The following SECISBP2 variants were observed in gnomAD, a reference collection of about 807,000 sequenced individuals.
SECISBP2 encodes SECIS binding protein 2.
SECISBP2 carries 96 observed loss-of-function variants against 98.2 expected under a neutral mutation model. The observed-to-expected ratio is 0.98, with a 90% confidence interval of 0.83 to 1.16. SECISBP2 has a LOEUF of 1.16. Ranked by LOEUF, SECISBP2 falls within the 50% of genes most tolerant of loss-of-function variation. SECISBP2 has a pLI of 0.00. For missense variants in SECISBP2, 1,046 were observed against 1,022.9 expected, an observed-to-expected ratio of 1.02 and a Z score of -0.31; for synonymous variants, 407 against 370.2, an observed-to-expected ratio of 1.10 and a Z score of -1.14.
At chr9:89,363,519 G>C (rs565553083), downstream of SECISBP2, 3 of 1,614,056 alleles carry the variant, frequency 1.9e-6, no homozygotes, top group African/African-American at 2.7e-5. Flanking sequence ...CTCTCCTGGT[G>C]GGTCACTTCT....
At position 89,346,897 on chromosome 9, in the gene SECISBP2, T is replaced by C; in HGVS notation, c.1451T>C (p.Val484Ala). ...TGCGTTTCAGTTGGAGCAGTGCCAGTCCTTTCCAAAGAATGTGCATCAGGG... is the reference window on the plus strand; with the variant it reads ...TGCGTTTCAGTTGGAGCAGTGCCAGCCCTTTCCAAAGAATGTGCATCAGGG... ...PVVVSVGAVP[V>A]LSKECASGER... Residue 484 changes from valine (V) to alanine (A), a missense_variant, in exon 11 of 17, where the codon GTC becomes GCC. Coordinates refer to ENST00000375807, the MANE Select transcript of SECISBP2 (RefSeq NM_024077.5). The C allele has an allele frequency of 6.2e-7, 1 of 1,614,072 alleles. No individual in the cohort carries two copies. The highest frequency in any genetic ancestry group is 8.5e-7 in the Non-Finnish European group (1 of 1,180,002).
intron 5 of SECISBP2, among the ~76,000 whole-genome samples, chr9:89,331,926 AGAAG>A (rs1455136830): frequency 6.6e-6 from 1 of 152,248 alleles, no homozygotes; most frequent in African/African-American, 2.4e-5. Flanking sequence ...GCAAAGAAGT[AGAAG>A]GATACTAATG....
chr9:89,348,031 T>G, intron 11 of SECISBP2, 48 bp from the exon 12 acceptor site: 1 of 1,544,090 alleles, frequency 6.5e-7, no homozygotes, highest in Admixed American at 1.8e-5. Context: ...GAGCTTATCT[T>G]TTAAGTACAA....
rs912338440 is a variant in SECISBP2 at position 89,358,996 on chromosome 9, G to T, written c.*172G>T. ...GTGTCTGCAGGCGTTCAGTGCTGCGGAGCCTGTTAAAGGTCACTCAGATGT... is the reference window on the plus strand; with the variant it reads ...GTGTCTGCAGGCGTTCAGTGCTGCGTAGCCTGTTAAAGGTCACTCAGATGT... On this transcript the variant is annotated 3_prime_UTR_variant, in exon 17 of 17. Transcript: ENST00000375807. The T allele has an allele frequency of 4.6e-5, 29 of 632,654 alleles. No individual in the cohort carries two copies. Among genetic ancestry groups the T allele is most frequent in the Middle Eastern group, 8.0e-4 (2 of 2,498 alleles). The allele number at this position is 632,654 out of a possible 1,614,324, so 39.2% of individuals were successfully genotyped here.
intron 8 of SECISBP2, among the ~76,000 whole-genome samples, chr9:89,339,426 G>A (rs141522151): frequency 6.9e-4 from 105 of 152,264 alleles, no homozygotes; most frequent in African/African-American, 2.4e-3. Flanking sequence ...AATGACATAG[G>A]CATTTTTAAG....
rs185946718 is a variant in SECISBP2, at chr9:89,347,456, C to T, written c.1602+408C>T. ...CCAGAAGGACAGTCACAGGCTCCTC[C>T]GGTGAATTCTTTTTTTTTTTTTTTT... On this transcript the variant is annotated intron_variant, in intron 11 of 16. Transcript: ENST00000375807. Among the ~76,000 whole-genome samples, 68 of 148,216 alleles carry T rather than the reference C, an allele frequency of 4.6e-4. 1 individual carries two copies. Among genetic ancestry groups the T allele is most frequent in the African/African-American group, 1.3e-3 (53 of 40,446 alleles).
In SECISBP2 at chr9:89,338,316, A is replaced by C; in HGVS notation, c.1090-142A>C. On this transcript the variant is annotated intron_variant, in intron 7 of 16. Transcript: ENST00000375807. Reference sequence around the variant, plus strand: ...TCTAGTGAATGCTGGCTTTTTAAAAAACAGGGGATGAGGAACCTAATTCTG... The same window carrying C: ...TCTAGTGAATGCTGGCTTTTTAAAACACAGGGGATGAGGAACCTAATTCTG... The C allele has an allele frequency of 5.1e-6, 5 of 989,116 alleles. No individual in the cohort carries two copies. In the South Asian group the frequency reaches 7.7e-5, roughly 15 times the overall value. 61.3% of individuals were successfully genotyped at this position (989,116 alleles called of 1,614,324 possible). A position where few individuals can be genotyped will look rare whatever the true frequency, so the allele number is the denominator to read the frequency against.
rs780131918 is a variant in SECISBP2, at chr9:89,339,894, G to T, written c.1243G>T (p.Ala415Ser). 1.1e-5 allele frequency: 17 copies of T among 1,613,800 alleles called. No homozygotes were observed. Among genetic ancestry groups the T allele is most frequent in the Non-Finnish European group, 1.4e-5 (16 of 1,179,770 alleles). Reference sequence around the variant, plus strand: ...CGAGGAATTTCCCAACCTGGCAGTTGCATCTGAAAGAAGAGACAGAATAGA... The same window carrying T: ...CGAGGAATTTCCCAACCTGGCAGTTTCATCTGAAAGAAGAGACAGAATAGA... The part of the protein sequence containing the change: ...DAEEFPNLAV[A>S]SERRDRIETP... Residue 415 changes from alanine (A) to serine (S), a missense_variant, in exon 9 of 17, where the codon GCA becomes TCA. Coordinates refer to ENST00000375807, the MANE Select transcript of SECISBP2 (RefSeq NM_024077.5).
chr9:89,365,935 G>A, the SECISBP2 span, among the ~76,000 whole-genome samples: 4 of 152,154 alleles, frequency 2.6e-5, no homozygotes, highest in Non-Finnish European at 5.9e-5. Flanking sequence ...CCGGTCTCTT[G>A]GTCAACAATT....
chr9:89,362,398 GT>G (rs1832827442), downstream of SECISBP2: 1 of 1,613,954 alleles, frequency 6.2e-7, no homozygotes, highest in Non-Finnish European at 8.5e-7. Flanking sequence ...CTCCTTCCTG[GT>G]GGCTACAGGG....
At position 89,334,659 on chromosome 9, in the gene SECISBP2, C is replaced by G. The variant is rs147717261; in HGVS notation, c.1018C>G (p.Pro340Ala). The change falls in exon 7 of 17, where the codon CCA becomes GCA. Residue 340 changes from proline to alanine, a missense_variant. Transcript: ENST00000375807. The stretch of plus-strand genomic sequence containing the variant: ...AGCAGATCCTAAAAATGTTAGTATA[C>G]CATCTTCTGAAGCTTTATCTTCGGA... ...SSADPKNVSI[P>A]SSEALSSDPS... is the part of the protein sequence containing the mutation. 7 of 1,613,868 alleles carry G rather than the reference C, an allele frequency of 4.3e-6. No homozygotes were observed. The highest frequency in any genetic ancestry group is 5.9e-6 in the Non-Finnish European group (7 of 1,179,868).
chr9:89,330,952 A>G (rs1410966958), intron 5 of SECISBP2, among the ~76,000 whole-genome samples: 1 of 152,230 alleles, frequency 6.6e-6, no homozygotes, highest in Admixed American at 6.5e-5. Context: ...TAGAAGATAT[A>G]CATACTGATT....
At chr9:89,362,376 C>T (rs374753568), downstream of SECISBP2, 54 of 1,614,014 alleles carry the variant, frequency 3.3e-5, no homozygotes, top group South Asian at 1.1e-4. Context: ...GGGTTGAGGT[C>T]GGTGTCAGGG....
downstream of SECISBP2, chr9:89,362,434 A>G (rs1213269595): frequency 6.2e-7 from 1 of 1,613,888 alleles, no homozygotes; most frequent in Admixed American, 1.7e-5. Flanking sequence ...CTTTCCTGAA[A>G]GAACAATGTG....
At chr9:89,355,863 A>G (rs1237911802) in intron 14 of SECISBP2, among the ~76,000 whole-genome samples, 1 of 152,206 alleles carries the variant, frequency 6.6e-6, no homozygotes, top group East Asian at 1.9e-4. Flanking sequence ...TGCTGTTTCC[A>G]TCAAACTCCG....
At chr9:89,331,455 A>G (rs1827738965) in intron 5 of SECISBP2, among the ~76,000 whole-genome samples, 1 of 152,240 alleles carries the variant, frequency 6.6e-6, no homozygotes, top group Non-Finnish European at 1.5e-5. Flanking sequence ...AAATTTGTGA[A>G]GCATATGAAT....
chr9:89,341,534 T>G (rs958882374), intron 10 of SECISBP2, 55 bp downstream of exon 10: 3 of 1,600,302 alleles, frequency 1.9e-6, no homozygotes, highest in Non-Finnish European at 2.6e-6. Flanking sequence ...TCAGCTAGAT[T>G]ATTATGTTAC....
intron 5 of SECISBP2, 128 bp from the exon 6 acceptor site, chr9:89,332,780 G>GT (rs1370853813): frequency 5.2e-6 from 4 of 770,152 alleles, no homozygotes; most frequent in African/African-American, 1.7e-5. Context: ...TGGCTGTAAC[G>GT]TTTTTCATTC....
chr9:89,338,365 G>A lies in SECISBP2; in HGVS notation c.1090-93G>A. On this transcript the variant is annotated intron_variant, in intron 7 of 16. Coordinates refer to ENST00000375807, the MANE Select transcript of SECISBP2 (RefSeq NM_024077.5). ...TGAATAAAATTGTCATGTGATTATA[G>A]GACTTGATATCTTAATTTTGTTGAT... 4.3e-6 allele frequency: 6 copies of A among 1,410,226 alleles called. No homozygotes were observed. The South Asian group carries it at 7.4e-5, about 17-fold the overall frequency. 87.4% of individuals were successfully genotyped at this position (1,410,226 alleles called of 1,614,324 possible). A position where few individuals can be genotyped will look rare whatever the true frequency, so the allele number is the denominator to read the frequency against.
Sources: allele counts gnomAD v4.1 joint callset (sites outside exome capture counted in the v4.1 genomes callset), GRCh38; gene constraint gnomAD v4.1.1; transcripts MANE v1.5; gene names NCBI Gene and HGNC (gene_info 2026-07-23, HGNC 2026-07-21).